Variants in BCAP31 observed in about 807,000 individuals in gnomAD.
BCAP31 encodes B-cell receptor-associated protein 31.
For synonymous variants in BCAP31, 75 were observed against 80.9 expected, an observed-to-expected ratio of 0.93 and a Z score of 0.39; for missense variants, 124 against 193.0, an observed-to-expected ratio of 0.64 and a Z score of 2.12.
In BCAP31 at chrX:153,701,045, C is replaced by A. The variant is rs2064569625; in HGVS notation, c.703-70G>T. The A allele has an allele frequency of 4.0e-6, 4 of 1,000,408 alleles. No individual in the cohort carries two copies. The Admixed American group carries it at 9.9e-5, about 25-fold the overall frequency. 82.4% of individuals were successfully genotyped at this position (1,000,408 alleles called of 1,213,427 possible). ...ACTCCTCCCCTGCCACCTCCAGCCC[C>A]ATGCCCCAGAGGTCCACCTCGGTTC... On this transcript the variant is annotated intron_variant, in intron 7 of 7. Coordinates refer to ENST00000345046, the MANE Select transcript of BCAP31 (RefSeq NM_001256447.2).
At chrX:153,709,610 A>G (rs1208283886) in intron 4 of BCAP31, among the ~76,000 whole-genome samples, 1 of 112,517 alleles carries the variant, frequency 8.9e-6, no homozygotes, top group Middle Eastern at 4.2e-3. Flanking sequence ...AGTCTTCCAC[A>G]AGTGGAAACC....
intron 3 of BCAP31, among the ~76,000 whole-genome samples, chrX:153,717,254 G>C (rs1442348277): frequency 2.7e-5 from 3 of 112,274 alleles, no homozygotes; most frequent in Non-Finnish European, 5.6e-5. Flanking sequence ...TAGACATATA[G>C]AGCTCCAGTT....
At position 153,700,685 on chromosome X, in the gene BCAP31, AAGGCTGTGCC is replaced by A; in HGVS notation, c.*242_*251del. On this transcript the variant is annotated 3_prime_UTR_variant, in exon 8 of 8. Coordinates refer to ENST00000345046, the MANE Select transcript of BCAP31 (RefSeq NM_001256447.2). The stretch of plus-strand genomic sequence containing the variant: ...CTCTCCACGCTCAGGCGTGGAAGCC[AAGGCTGTGCC>A]AGGCCTGGCCAGGCCAAGCAGGATG... 2.9e-6 allele frequency: 1 copy of A among 343,779 alleles called. No individual in the cohort carries two copies. The highest frequency in any genetic ancestry group is 6.0e-5 in the Admixed American group (1 of 16,632). The allele number at this position is 343,779 out of a possible 1,213,427, so 28.3% of individuals were successfully genotyped here. A position where few individuals can be genotyped will look rare whatever the true frequency, so the allele number is the denominator to read the frequency against.
At chrX:153,701,573 A>C (rs1177857418) in intron 7 of BCAP31, among the ~76,000 whole-genome samples, 1 of 112,970 alleles carries the variant, frequency 8.9e-6, no homozygotes, top group African/African-American at 3.2e-5. Context: ...GGTGATGGCC[A>C]CAACTAGCGC....
At position 153,723,192 on chromosome X, in the gene BCAP31, A is replaced by G; in HGVS notation, c.53T>C (p.Val18Ala). 6 of 1,210,900 alleles carry G rather than the reference A, an allele frequency of 5.0e-6. No individual in the cohort carries two copies. The highest frequency in any genetic ancestry group is 6.7e-6 in the Non-Finnish European group (6 of 895,084). ...GAAGGGAATGCAGAGAAGCAACACA[A>G]CAAAGACCTCCGCATAGAGGAAGGT... ...VATFLYAEVFVVLLLCIPFIS... is the reference protein window; with the variant it reads ...VATFLYAEVFAVLLLCIPFIS... The change falls in exon 2 of 8, where the codon GTT becomes GCT. Residue 18 changes from valine (V) to alanine (A), a missense_variant. Coordinates refer to ENST00000345046, the MANE Select transcript of BCAP31 (RefSeq NM_001256447.2).
chrX:153,706,059 G>C (rs1210843616), intron 4 of BCAP31, among the ~76,000 whole-genome samples: 1 of 111,818 alleles, frequency 8.9e-6, no homozygotes, highest in East Asian at 2.8e-4. Flanking sequence ...GATCCACGCT[G>C]TGTGTGTCCG....
chrX:153,715,292 T>C (rs967544621), intron 4 of BCAP31: 2 of 392,912 alleles, frequency 5.1e-6, no homozygotes, highest in South Asian at 4.9e-5. Flanking sequence ...TAGTCATCTG[T>C]TTGCCTGAGA....
At chrX:153,706,589 C>G (rs782750980) in intron 4 of BCAP31, among the ~76,000 whole-genome samples, 1 of 112,810 alleles carries the variant, frequency 8.9e-6, no homozygotes, top group Non-Finnish European at 1.9e-5. Context: ...ATACCTTCCT[C>G]CCAGCCACTC....
intron 4 of BCAP31, among the ~76,000 whole-genome samples, chrX:153,707,657 T>C (rs2091563956): frequency 8.9e-6 from 1 of 112,162 alleles, no homozygotes; most frequent in Non-Finnish European, 1.9e-5. Context: ...GCCAGGCTCA[T>C]GGCTGCAGGG....
intron 3 of BCAP31, among the ~76,000 whole-genome samples, chrX:153,719,063 G>A (rs2091648011): frequency 8.9e-6 from 1 of 111,906 alleles, no homozygotes; most frequent in African/African-American, 3.2e-5. Context: ...ATGGCCATAT[G>A]TCCCCCTAGA....
At position 153,715,706 on chromosome X, in the gene BCAP31, A is replaced by T; in HGVS notation, c.194-17T>A. ...GCACGGCATCTGTGGTGGAGCAGAG[A>T]GGAGACACGGGCATTTAGCGGACAC... On this transcript the variant is annotated splice_polypyrimidine_tract_variant and intron_variant, in intron 3 of 7. Coordinates refer to ENST00000345046, the MANE Select transcript of BCAP31 (RefSeq NM_001256447.2). 2.5e-6 allele frequency: 3 copies of T among 1,209,462 alleles called. No homozygotes were observed. Among genetic ancestry groups the T allele is most frequent in the Non-Finnish European group, 3.4e-6 (3 of 893,543 alleles).
intron 3 of BCAP31, among the ~76,000 whole-genome samples, chrX:153,716,140 C>T (rs1480251019): frequency 1.9e-5 from 2 of 103,725 alleles, no homozygotes; most frequent in South Asian, 4.5e-4. Flanking sequence ...CACTCCAGAC[C>T]GGGGGACAAG....
chrX:153,701,796 G>A (rs2091519730), intron 7 of BCAP31, among the ~76,000 whole-genome samples: 1 of 113,106 alleles, frequency 8.8e-6, no homozygotes. Flanking sequence ...CCACTCCTGA[G>A]GGCCGCCTTG....
intron 2 of BCAP31, among the ~76,000 whole-genome samples, chrX:153,721,931 A>C (rs1170111908): frequency 2.7e-5 from 3 of 111,020 alleles, no homozygotes; most frequent in South Asian, 3.9e-4. Flanking sequence ...AAAAAACCAC[A>C]ACAACAAAAA....
chrX:153,718,591 T>G (rs2091644932), intron 3 of BCAP31, among the ~76,000 whole-genome samples: 1 of 112,446 alleles, frequency 8.9e-6, no homozygotes, highest in South Asian at 3.7e-4. Context: ...TCATGATGGT[T>G]ACCTGTGGGA....
chrX:153,708,710 G>A (rs1244788235), intron 4 of BCAP31, among the ~76,000 whole-genome samples: 2 of 112,739 alleles, frequency 1.8e-5, no homozygotes, highest in Non-Finnish European at 3.8e-5. Flanking sequence ...CTAACACCAG[G>A]GCTTCCACTG....
chrX:153,722,110 G>A (rs2091671127), intron 2 of BCAP31, among the ~76,000 whole-genome samples: 1 of 111,271 alleles, frequency 9.0e-6, no homozygotes, highest in Non-Finnish European at 1.9e-5. Flanking sequence ...ATGGACCCCA[G>A]ACCTCACATC....
At chrX:153,709,255 G>A (rs782638245) in intron 4 of BCAP31, among the ~76,000 whole-genome samples, 6 of 111,798 alleles carry the variant, frequency 5.4e-5, no homozygotes, top group South Asian at 7.4e-4. Flanking sequence ...AGAGAAGCAC[G>A]GGCAGCTCCA....
intron 3 of BCAP31, among the ~76,000 whole-genome samples, chrX:153,717,610 G>A (rs970029164): frequency 1.2e-4 from 13 of 112,158 alleles, no homozygotes; most frequent in East Asian, 2.8e-4. Context: ...TGGTAGAGAC[G>A]GGGTTTCGCC....
Sources: gnomAD v4.1 joint callset for allele counts (sites outside exome capture counted in the v4.1 genomes callset) on GRCh38, gnomAD v4.1.1 for gene constraint, MANE v1.5 for transcripts, NCBI Gene and HGNC (gene_info 2026-07-23, HGNC 2026-07-21) for gene names.